The following LZTFL1 variants were observed in gnomAD, a reference collection of about 807,000 sequenced individuals.
The protein encoded by LZTFL1 is leucine zipper transcription factor-like protein 1.
In LZTFL1, 25 loss-of-function variants were observed where a neutral mutation model predicts 45.9. The observed-to-expected ratio is 0.54, with a 90% CI of 0.40 to 0.76. The LOEUF is 0.76. LZTFL1 is among the 30% of genes least tolerant of loss of function. The probability of loss-of-function intolerance (pLI) is 0.00; values close to 1 mark genes in which losing one functional copy is unlikely to be tolerated. For missense variants in LZTFL1, 277 were observed against 331.1 expected (o/e 0.84, Z 1.27); for synonymous variants, 93 against 117.4 (o/e 0.79, Z 1.35).
intron 5 of LZTFL1, chr3:45,832,468 C>T (rs1700851648): frequency 6.6e-6 from 1 of 152,080 alleles, no homozygotes; most frequent in South Asian, 2.1e-4. Context: ...TTGGGATGCT[C>T]AACTGGGGTC....
At chr3:45,911,403 A>T (rs368912514) in intron 2 of LZTFL1, among the ~76,000 whole-genome samples, 1 of 152,356 alleles carries the variant, frequency 6.6e-6, no homozygotes, top group African/African-American at 2.4e-5. Context: ...GTCTTTCTCA[A>T]TGATAACAGC....
chr3:45,913,244 G>A, intron 1 of LZTFL1: 2 of 1,099,000 alleles, frequency 1.8e-6, no homozygotes, highest in South Asian at 1.4e-5. Flanking sequence ...AACCAGTGCT[G>A]CAATGAGCTG....
chr3:45,874,904 T>C (rs1701726317), intron 2 of LZTFL1, among the ~76,000 whole-genome samples: 1 of 152,182 alleles, frequency 6.6e-6, no homozygotes, highest in Non-Finnish European at 1.5e-5. Flanking sequence ...CGTGGACCAG[T>C]GGTAACATCA....
At chr3:45,840,229 T>G (rs1274609013) in intron 1 of LZTFL1, among the ~76,000 whole-genome samples, 4 of 152,124 alleles carry the variant, frequency 2.6e-5, no homozygotes, top group African/African-American at 9.7e-5. Context: ...TCCTTTAAAA[T>G]GGATTGGAAT....
intron 2 of LZTFL1, among the ~76,000 whole-genome samples, chr3:45,867,188 A>G (rs1480284468): frequency 2.0e-5 from 3 of 149,946 alleles, no homozygotes; most frequent in Non-Finnish European, 3.0e-5. Context: ...AGATAGTTAC[A>G]TTTTTCATCT....
intron 2 of LZTFL1, among the ~76,000 whole-genome samples, chr3:45,893,696 G>A (rs1382645655): frequency 6.6e-6 from 1 of 152,212 alleles, no homozygotes; most frequent in African/African-American, 2.4e-5. Context: ...ACTACTTGAT[G>A]GACATTTAGG....
At chr3:45,867,273 T>C (rs1177638290) in intron 2 of LZTFL1, among the ~76,000 whole-genome samples, 1 of 152,116 alleles carries the variant, frequency 6.6e-6, no homozygotes, top group Non-Finnish European at 1.5e-5. Context: ...AATAATATCT[T>C]CCTCTCAAGG....
At chr3:45,884,333 T>C (rs568858619) in intron 2 of LZTFL1, among the ~76,000 whole-genome samples, 1 of 151,168 alleles carries the variant, frequency 6.6e-6, no homozygotes, top group African/African-American at 2.4e-5. Context: ...GCAAAGGGAG[T>C]CACATTTGCA....
chr3:45,904,520 T>C (rs574560818), intron 2 of LZTFL1, among the ~76,000 whole-genome samples: 1 of 152,338 alleles, frequency 6.6e-6, no homozygotes, highest in East Asian at 1.9e-4. Flanking sequence ...TGAGTGGCTA[T>C]AACTTCTTCT....
intron 2 of LZTFL1, 57 bp from the exon 3 acceptor site, chr3:45,835,841 A>G: frequency 7.7e-7 from 1 of 1,303,430 alleles, no homozygotes; most frequent in Non-Finnish European, 1.1e-6. Context: ...AATCTACAAA[A>G]TACAGCAAAA....
rs567443467 is a variant in LZTFL1, at chr3:45,841,301, T to G, written c.3+688A>C. 1.8e-4 allele frequency among the ~76,000 whole-genome samples: 28 copies of G among 152,342 alleles called. 1 individual carries two copies. The South Asian group carries it at 5.6e-3, about 30-fold the overall frequency. ...TGGTTTCATCCGTTTTCCTGAACATTTCAGTGCTGTGCACTGTTCTAAGTA... is the reference window on the plus strand; with the variant it reads ...TGGTTTCATCCGTTTTCCTGAACATGTCAGTGCTGTGCACTGTTCTAAGTA... On this transcript the variant is annotated intron_variant, in intron 1 of 9. Coordinates refer to ENST00000296135, the MANE Select transcript of LZTFL1 (RefSeq NM_020347.4).
chr3:45,856,999 AC>A (rs1249638617), intron 3 of LZTFL1, among the ~76,000 whole-genome samples: 2 of 152,224 alleles, frequency 1.3e-5, no homozygotes, highest in Non-Finnish European at 2.9e-5. Context: ...ATACCATTTG[AC>A]CCAGCAATCC....
rs776771934 is a variant in LZTFL1 at position 45,824,989 on chromosome 3, A to G, written c.*1325T>C. On this transcript the variant is annotated 3_prime_UTR_variant, in exon 10 of 10. Coordinates refer to ENST00000296135, the MANE Select transcript of LZTFL1 (RefSeq NM_020347.4). ...AAGACTGCCTTCTGTGTCCTTTTGC[A>G]GGGAAATTATCTTACCCTTTAACAT... 5 of 397,882 alleles carry G rather than the reference A, an allele frequency of 1.3e-5. No individual in the cohort carries two copies. The highest frequency in any genetic ancestry group is 2.2e-5 in the Non-Finnish European group (5 of 225,642). 24.6% of individuals were successfully genotyped at this position (397,882 alleles called of 1,614,324 possible).
intron 2 of LZTFL1, chr3:45,895,114 C>T: frequency 1.3e-6 from 1 of 767,986 alleles, no homozygotes; most frequent in Admixed American, 2.0e-5. Flanking sequence ...GGTTGTTGTC[C>T]AGCACAGAGG....
chr3:45,827,390 C>A lies in LZTFL1; in HGVS notation c.847G>T (p.Asp283Tyr). Residue 283 changes from aspartate (D) to tyrosine (Y), a missense_variant, in exon 9 of 10, where the codon GAC becomes TAC. By Grantham distance (160) the Asp-to-Tyr change is radical. Coordinates refer to ENST00000296135, the MANE Select transcript of LZTFL1 (RefSeq NM_020347.4). Reference sequence around the variant, plus strand: ...CTTTTCCTCAGATCTTTGATTTGGTCATTCTTCTTGGTAAGAATCTCTTTC... The same window carrying A: ...CTTTTCCTCAGATCTTTGATTTGGTAATTCTTCTTGGTAAGAATCTCTTTC... ...NMKEILTKKN[D>Y]QIKDLRKRLA... 1 of 1,613,798 alleles carries A rather than the reference C, an allele frequency of 6.2e-7. No homozygotes were observed.
chr3:45,900,754 G>C lies in LZTFL1; in HGVS notation c.-215+12366C>G. On this transcript the variant is annotated intron_variant, in intron 2 of 4. Coordinates refer to the LZTFL1 transcript ENST00000472635. This position sits in a 1 kb window ranked among gnomAD's most constrained non-coding sequence, Gnocchi z 4.7. ...CAAGAGGTCCATGCCTCTGCCATCA[G>C]ACAGGACCTTCAAAATATTTTCCTT... The C allele has an allele frequency of 6.4e-7, 1 of 1,554,392 alleles. No individual in the cohort carries two copies. Among genetic ancestry groups the C allele is most frequent in the Non-Finnish European group, 8.7e-7 (1 of 1,149,894 alleles).
chr3:45,828,374 T>TTCC, intron 8 of LZTFL1, 65 bp downstream of exon 8: 1 of 1,354,556 alleles, frequency 7.4e-7, no homozygotes, highest in Non-Finnish European at 1.0e-6. Context: ...GCCACATGTA[T>TTCC]TCCTCTATAC....
intron 2 of LZTFL1, among the ~76,000 whole-genome samples, chr3:45,836,102 C>A (rs925522292): frequency 6.6e-6 from 1 of 152,138 alleles, no homozygotes; most frequent in African/African-American, 2.4e-5. Context: ...TGAAATCAGT[C>A]TTATTACATT....
At chr3:45,830,821 G>T in intron 7 of LZTFL1, 92 bp downstream of exon 7, 3 of 1,033,834 alleles carry the variant, frequency 2.9e-6, no homozygotes, top group Non-Finnish European at 3.0e-6. Flanking sequence ...AGCAGGGGTG[G>T]GGTACAGTGA....
Sources: allele counts gnomAD v4.1 joint callset (sites outside exome capture counted in the v4.1 genomes callset), GRCh38; gene constraint gnomAD v4.1.1; non-coding constraint Gnocchi (gnomAD v3.1); transcripts MANE v1.5; gene names NCBI Gene and HGNC (gene_info 2026-07-23, HGNC 2026-07-21).